Variants in TNFRSF10D observed in about 807,000 individuals in gnomAD.
The protein encoded by TNFRSF10D is TNF receptor superfamily member 10d.
A neutral mutation model predicts 42.1 loss-of-function variants in TNFRSF10D; 28 were observed. That is an observed-to-expected ratio of 0.66 (90% CI 0.49 to 0.91). The LOEUF is 0.91. Ranked by LOEUF, TNFRSF10D falls within the 40% of genes least tolerant of loss-of-function variation. TNFRSF10D has a pLI of 0.00. For missense variants in TNFRSF10D, 503 were observed against 486.1 expected (o/e 1.03, Z -0.33); for synonymous variants, 186 against 189.4 (o/e 0.98, Z 0.15).
chr8:23,149,973 C>G (rs1800193878), intron 2 of TNFRSF10D, among the ~76,000 whole-genome samples: 1 of 152,162 alleles, frequency 6.6e-6, no homozygotes, highest in Non-Finnish European at 1.5e-5. Flanking sequence ...GCCTGACTGA[C>G]AGAAATCATC....
At chr8:23,140,881 G>A (rs1814454886) in intron 7 of TNFRSF10D, among the ~76,000 whole-genome samples, 1 of 152,110 alleles carries the variant, frequency 6.6e-6, no homozygotes, top group South Asian at 2.1e-4. Flanking sequence ...AAATTACCCA[G>A]TCTCAAGTAT....
chr8:23,148,663 G>C, intron 2 of TNFRSF10D, 112 bp from the exon 3 acceptor site: 2 of 685,104 alleles, frequency 2.9e-6, no homozygotes, highest in South Asian at 1.8e-5. Context: ...AGAGAAATCT[G>C]CTCTTCTTGG....
chr8:23,140,740 G>C (rs534788943), intron 7 of TNFRSF10D, among the ~76,000 whole-genome samples: 67 of 152,294 alleles, frequency 4.4e-4, no homozygotes, highest in Non-Finnish European at 9.1e-4. Context: ...ATAAAGAGCA[G>C]TCCCCTGCAC....
chr8:23,155,825 CT>C (rs1800271426), intron 1 of TNFRSF10D, among the ~76,000 whole-genome samples: 2 of 151,650 alleles, frequency 1.3e-5, no homozygotes, highest in Non-Finnish European at 2.9e-5. Flanking sequence ...TTCTCTCTCT[CT>C]CTCTCTCTCT....
chr8:23,158,306 A>G (rs1800308978), intron 1 of TNFRSF10D, among the ~76,000 whole-genome samples: 1 of 152,192 alleles, frequency 6.6e-6, no homozygotes, highest in Non-Finnish European at 1.5e-5. Context: ...GCCGCCTTCA[A>G]CGTAGGGTAA....
At chr8:23,140,406 AC>A (rs1157896503) in intron 7 of TNFRSF10D, among the ~76,000 whole-genome samples, 10 of 151,566 alleles carry the variant, frequency 6.6e-5, no homozygotes, top group Non-Finnish European at 1.2e-4. Context: ...ACACACACAC[AC>A]ACACACACAC....
In TNFRSF10D at chr8:23,136,810, T is replaced by C. The variant is rs1438620515; in HGVS notation, c.*1060A>G. On this transcript the variant is annotated 3_prime_UTR_variant, in exon 9 of 9. Transcript: ENST00000312584. Reference sequence around the variant, plus strand: ...AAATAAATAAATAAATATTTATTTATAAATAAATATGGCTATATACCTCTA... The same window carrying C: ...AAATAAATAAATAAATATTTATTTACAAATAAATATGGCTATATACCTCTA... 3.3e-5 allele frequency: 5 copies of C among 151,876 alleles called. No homozygotes were observed. Among genetic ancestry groups the C allele is most frequent in the African/African-American group, 1.2e-4 (5 of 41,386 alleles). The allele number at this position is 151,876 out of a possible 1,614,324, so 9.4% of individuals were successfully genotyped here.
At chr8:23,152,988 G>A (rs1214676492) in intron 2 of TNFRSF10D, among the ~76,000 whole-genome samples, 1 of 152,062 alleles carries the variant, frequency 6.6e-6, no homozygotes, top group African/African-American at 2.4e-5. Context: ...TATTACAAAG[G>A]TATAGTAATC....
chr8:23,155,896 A>G (rs1460619691), intron 1 of TNFRSF10D, among the ~76,000 whole-genome samples: 1 of 152,158 alleles, frequency 6.6e-6, no homozygotes, highest in Non-Finnish European at 1.5e-5. Context: ...GTTACAATAT[A>G]ACCTTAAAGA....
chr8:23,163,176 T>A (rs538733430), intron 1 of TNFRSF10D, among the ~76,000 whole-genome samples: 1 of 141,448 alleles, frequency 7.1e-6, no homozygotes, highest in East Asian at 2.3e-4. Flanking sequence ...CTCGGCTCAC[T>A]GCAACCTCCG....
rs1334546155 is a variant in TNFRSF10D at position 23,144,616 on chromosome 8, G to A, written c.788C>T (p.Ser263Leu). 1 of 1,613,966 alleles carries A rather than the reference G, an allele frequency of 6.2e-7. No individual in the cohort carries two copies. Reference sequence around the variant, plus strand: ...CGCCCCAGGAACTCGTGAAGGACATGAACGCCGCCGGAAAAGGACCTTGGG... The same window carrying A: ...CGCCCCAGGAACTCGTGAAGGACATAAACGCCGCCGGAAAAGGACCTTGGG... ...RVHRVLFRRRSCPSRVPGAED... is the reference protein window; with the variant it reads ...RVHRVLFRRRLCPSRVPGAED... Residue 263 changes from serine (S) to leucine (L), a missense_variant, in exon 7 of 9, where the codon TCA becomes TTA. Physicochemically the swap from Ser to Leu is moderately radical, Grantham distance 145. Transcript: ENST00000312584.
chr8:23,138,013 G>A lies in TNFRSF10D; in HGVS notation c.1028-10C>T. On this transcript the variant is annotated splice_polypyrimidine_tract_variant and intron_variant, in intron 8 of 8. Transcript: ENST00000312584. ...TCCAGCAAGGTGCTGACTGAGAAGA[G>A]AGAAGAGATTTAGGGTCTCAATGCT... is the stretch of plus-strand genomic sequence containing the variant. 6.2e-7 allele frequency: 1 copy of A among 1,613,884 alleles called. No individual in the cohort carries two copies. The highest frequency in any genetic ancestry group is 8.5e-7 in the Non-Finnish European group (1 of 1,179,896).
chr8:23,140,157 T>C (rs975530623), intron 7 of TNFRSF10D, among the ~76,000 whole-genome samples: 2 of 151,986 alleles, frequency 1.3e-5, no homozygotes, highest in African/African-American at 4.8e-5. Context: ...GGCGTGGCAG[T>C]GTGCGCCTGT....
rs1227129763 is a variant in TNFRSF10D at position 23,137,290 on chromosome 8, A to G, written c.*580T>C. 6.6e-6 allele frequency: 1 copy of G among 152,342 alleles called. No individual in the cohort carries two copies. Among genetic ancestry groups the G allele is most frequent in the Non-Finnish European group, 1.5e-5 (1 of 68,146 alleles). 9.4% of individuals were successfully genotyped at this position (152,342 alleles called of 1,614,324 possible). On this transcript the variant is annotated 3_prime_UTR_variant, in exon 9 of 9. Coordinates refer to ENST00000312584, the MANE Select transcript of TNFRSF10D (RefSeq NM_003840.5). ...ATCCGAAACTGAAAATACAGGTAAT[A>G]ACAAGATAATCCCGTTCTAAAGTTA...
At chr8:23,143,347 G>GAT (rs1270941446) in intron 7 of TNFRSF10D, among the ~76,000 whole-genome samples, 537 of 151,210 alleles carry the variant, frequency 3.6e-3, no homozygotes, top group African/African-American at 0.011. Context: ...TGTGCAGCGC[G>GAT]GCCAGGTGCA....
In TNFRSF10D at chr8:23,148,394, A is replaced by C. The variant is rs533759840; in HGVS notation, c.370+44T>G. 11 of 1,506,992 alleles carry C rather than the reference A, an allele frequency of 7.3e-6. No individual in the cohort carries two copies. The South Asian group carries it at 7.9e-5, about 11-fold the overall frequency. The allele number at this position is 1,506,992 out of a possible 1,614,324, so 93.4% of individuals were successfully genotyped here. A position where few individuals can be genotyped will look rare whatever the true frequency, so the allele number is the denominator to read the frequency against. On this transcript the variant is annotated intron_variant, in intron 3 of 8. Coordinates refer to ENST00000312584, the MANE Select transcript of TNFRSF10D (RefSeq NM_003840.5). Reference sequence around the variant, plus strand: ...CATCGGCTACAGCTCCCACCTCATCACTATGCACTCCACCTCTGGGCAAGG... The same window carrying C: ...CATCGGCTACAGCTCCCACCTCATCCCTATGCACTCCACCTCTGGGCAAGG...
chr8:23,155,241 T>C (rs893582399), intron 1 of TNFRSF10D, among the ~76,000 whole-genome samples: 1 of 98,884 alleles, frequency 1.0e-5, no homozygotes, highest in Non-Finnish European at 2.0e-5. Context: ...AGCAGAAGAG[T>C]TTTTTTTTTT....
At chr8:23,159,374 T>C (rs1563363457) in intron 1 of TNFRSF10D, among the ~76,000 whole-genome samples, 1 of 151,984 alleles carries the variant, frequency 6.6e-6, no homozygotes, top group Non-Finnish European at 1.5e-5. Flanking sequence ...CAGGGAAACA[T>C]AGGACGATCT....
At chr8:23,148,921 T>C (rs1397030694) in intron 2 of TNFRSF10D, among the ~76,000 whole-genome samples, 2 of 151,812 alleles carry the variant, frequency 1.3e-5, no homozygotes, top group Non-Finnish European at 2.9e-5. Flanking sequence ...CCAGGCACGG[T>C]GGCTCACGCC....
Sources: gnomAD v4.1 joint callset for allele counts (sites outside exome capture counted in the v4.1 genomes callset) on GRCh38, gnomAD v4.1.1 for gene constraint, MANE v1.5 for transcripts, NCBI Gene and HGNC (gene_info 2026-07-23, HGNC 2026-07-21) for gene names.